Variants in DYNLRB2 observed in about 807,000 individuals in gnomAD.
DYNLRB2 encodes dynein light chain roadblock-type 2, also known as bithoraxoid-like protein.
In DYNLRB2, 14 loss-of-function variants were observed where a neutral mutation model predicts 12.6. That is an observed-to-expected ratio of 1.11 (90% CI 0.73 to 1.73). The LOEUF (loss-of-function observed/expected upper bound fraction) is 1.73, where lower values mean the gene tolerates loss of function less well. Among genes scored for constraint, DYNLRB2 ranks in the 40% most tolerant of loss-of-function variants. DYNLRB2 has a pLI of 0.00. For synonymous variants in DYNLRB2, 53 were observed against 37.0 expected (o/e 1.43, Z -1.57); for missense variants, 142 against 117.7 (o/e 1.21, Z -0.95).
At position 80,550,700 on chromosome 16, in the gene DYNLRB2, A is replaced by C; in HGVS notation, c.*142A>C. On this transcript the variant is annotated 3_prime_UTR_variant, in exon 4 of 4. Transcript: ENST00000305904. ...ATATCTAAACTGTTCTGCATGTCTC[A>C]TTTAGTCCCTTTTGATTATATTGTG... is the stretch of plus-strand genomic sequence containing the variant. The C allele has an allele frequency of 9.1e-6, 8 of 881,298 alleles. No homozygotes were observed. Among genetic ancestry groups the C allele is most frequent in the African/African-American group, 3.4e-5 (2 of 58,984 alleles). 54.6% of individuals were successfully genotyped at this position (881,298 alleles called of 1,614,324 possible).
intron 2 of DYNLRB2, among the ~76,000 whole-genome samples, chr16:80,548,465 G>A (rs4594267): frequency 0.038 from 5,795 of 152,180 alleles, 171 homozygotes; most frequent in South Asian, 0.14. Flanking sequence ...GGTGGCTCAC[G>A]CCTGTAAACC....
At chr16:80,548,985 C>T (rs1428141901) in intron 2 of DYNLRB2, 2 of 455,990 alleles carry the variant, frequency 4.4e-6, no homozygotes, top group Non-Finnish European at 8.8e-6. Context: ...AACTTCAGAG[C>T]AGACTCACTA....
At chr16:80,549,927 G>C (rs1904733854) in intron 3 of DYNLRB2, among the ~76,000 whole-genome samples, 1 of 152,118 alleles carries the variant, frequency 6.6e-6, no homozygotes, top group South Asian at 2.1e-4. Flanking sequence ...CTCATTTTCA[G>C]CAAACTTAGC....
At chr16:80,549,783 T>A in intron 3 of DYNLRB2, 132 bp downstream of exon 3, 1 of 1,008,640 alleles carries the variant, frequency 9.9e-7, no homozygotes, top group Non-Finnish European at 1.3e-6. Context: ...TACAAAATGA[T>A]GTTTGAATGT....
chr16:80,542,785 T>C (rs1206367562), intron 1 of DYNLRB2, among the ~76,000 whole-genome samples: 1 of 152,172 alleles, frequency 6.6e-6, no homozygotes, highest in Admixed American at 6.5e-5. Flanking sequence ...AATTTAATCA[T>C]CCGAACTGAT....
Position 80,548,092 on chromosome 16 carries a change from C to T in DYNLRB2, c.80-1392C>T, listed in dbSNP as rs1041654005. The T allele has an allele frequency of 7.3e-5, 18 of 245,308 alleles. No homozygotes were observed. In the East Asian group the frequency reaches 2.0e-3, roughly 27 times the overall value. The allele number at this position is 245,308 out of a possible 1,614,324, so 15.2% of individuals were successfully genotyped here. On this transcript the variant is annotated intron_variant, in intron 2 of 3. Coordinates refer to ENST00000305904, the MANE Select transcript of DYNLRB2 (RefSeq NM_130897.3). ...CTGGACCCACATTCTCTGAAGGAAACCAGGAGCCATGTTAGGCTCATTTCT... is the reference window on the plus strand; with the variant it reads ...CTGGACCCACATTCTCTGAAGGAAATCAGGAGCCATGTTAGGCTCATTTCT...
At chr16:80,547,841 T>TA (rs1222463279) in intron 2 of DYNLRB2, 1 of 456,582 alleles carries the variant, frequency 2.2e-6, no homozygotes, top group South Asian at 1.5e-5. Context: ...AATAAAAGAT[T>TA]AGCAAGGTTT....
At chr16:80,541,393 A>G (rs1904286910) in intron 1 of DYNLRB2, 1 of 984,580 alleles carries the variant, frequency 1.0e-6, no homozygotes, top group Non-Finnish European at 1.2e-6. Flanking sequence ...CCGGGGAGCC[A>G]GGAAAGTTTC....
chr16:80,543,248 G>T (rs754838370), intron 1 of DYNLRB2, 28 bp from the exon 2 acceptor site: 5 of 1,611,884 alleles, frequency 3.1e-6, no homozygotes, highest in Admixed American at 3.3e-5. Flanking sequence ...GGGCCCTTTT[G>T]GTTAATTATC....
intron 1 of DYNLRB2, among the ~76,000 whole-genome samples, chr16:80,541,823 C>T (rs2142303917): frequency 6.6e-6 from 1 of 152,278 alleles, no homozygotes; most frequent in East Asian, 1.9e-4. Flanking sequence ...AAGCTGTGGA[C>T]ATCGTCTTAA....
Position 80,547,406 on chromosome 16 carries a change from C to G in DYNLRB2, c.80-2078C>G, listed in dbSNP as rs112057842. ...TTCTCAATAATTTTTTTAATTACCT[C>G]ACATGGTGCCAAGCAAGAGTTCAAT... is the stretch of plus-strand genomic sequence containing the variant. On this transcript the variant is annotated intron_variant, in intron 2 of 3. Transcript: ENST00000305904. Among the ~76,000 whole-genome samples, 31 of 152,104 alleles carry G rather than the reference C, an allele frequency of 2.0e-4. 1 individual carries two copies. Among genetic ancestry groups the G allele is most frequent in the Admixed American group, 1.9e-3 (29 of 15,276 alleles).
At chr16:80,546,394 T>C (rs1346374547) in intron 2 of DYNLRB2, among the ~76,000 whole-genome samples, 1 of 152,238 alleles carries the variant, frequency 6.6e-6, no homozygotes, top group African/African-American at 2.4e-5. Context: ...CAAATCATTT[T>C]AGCATTTTCA....
chr16:80,549,166 T>C, intron 2 of DYNLRB2: 1 of 371,082 alleles, frequency 2.7e-6, no homozygotes. Flanking sequence ...ATTGATTATA[T>C]GTCCATAAAA....
intron 1 of DYNLRB2, chr16:80,541,473 G>C (rs1471518691): frequency 2.2e-5 from 18 of 829,184 alleles, no homozygotes; most frequent in Non-Finnish European, 2.5e-5. Context: ...GAAGAGGTGG[G>C]ACAGGGAAAG....
intron 2 of DYNLRB2, among the ~76,000 whole-genome samples, chr16:80,545,408 G>A (rs1334121625): frequency 6.6e-6 from 1 of 152,056 alleles, no homozygotes; most frequent in Non-Finnish European, 1.5e-5. Flanking sequence ...AGACTGTTTA[G>A]TGTCTTGGGA....
At chr16:80,544,268 T>A (rs926339803) in intron 2 of DYNLRB2, among the ~76,000 whole-genome samples, 4 of 152,202 alleles carry the variant, frequency 2.6e-5, no homozygotes, top group African/African-American at 9.7e-5. Flanking sequence ...GAGACAATAA[T>A]TGTTGAGTGC....
intron 2 of DYNLRB2, chr16:80,548,961 T>C (rs1423511658): frequency 1.3e-5 from 6 of 455,836 alleles, no homozygotes; most frequent in Admixed American, 1.2e-4. Context: ...ACTAACACCA[T>C]GTCACAGAGC....
At chr16:80,544,148 ATATT>A (rs1423739375) in intron 2 of DYNLRB2, among the ~76,000 whole-genome samples, 2 of 152,208 alleles carry the variant, frequency 1.3e-5, no homozygotes, top group African/African-American at 4.8e-5. Flanking sequence ...CCATCAGTAA[ATATT>A]TATTAAGCAA....
intron 1 of DYNLRB2, among the ~76,000 whole-genome samples, chr16:80,541,864 C>G (rs1471447997): frequency 6.6e-6 from 1 of 152,174 alleles, no homozygotes; most frequent in Admixed American, 6.5e-5. Flanking sequence ...AATTATTGAT[C>G]CCCTGTTCAA....
Sources: allele counts gnomAD v4.1 joint callset (sites outside exome capture counted in the v4.1 genomes callset), GRCh38; gene constraint gnomAD v4.1.1; transcripts MANE v1.5; gene names NCBI Gene and HGNC (gene_info 2026-07-23, HGNC 2026-07-21).